CADM2: variants seen among roughly 807,000 people sequenced by gnomAD.
CADM2 encodes the protein immunoglobulin superfamily member 4D.
Under a neutral mutation model 49.8 loss-of-function variants are expected in CADM2, and 12 were observed. That is an observed-to-expected ratio of 0.24 (90% CI 0.15 to 0.39). CADM2 has a LOEUF of 0.39. CADM2 is among the 10% of genes least tolerant of loss of function. The probability of loss-of-function intolerance (pLI) is 1.00; values close to 1 mark genes in which losing one functional copy is unlikely to be tolerated. For missense variants in CADM2, 378 were observed against 492.3 expected (o/e 0.77, Z 2.20); for synonymous variants, 214 against 175.4 (o/e 1.22, Z -1.74).
intron 8 of CADM2, among the ~76,000 whole-genome samples, chr3:86,025,304 G>A (rs555657535): frequency 1.3e-4 from 20 of 152,032 alleles, no homozygotes; most frequent in Non-Finnish European, 2.4e-4. Flanking sequence ...TGATCTGCCC[G>A]CCTCGGCCTC....
At chr3:85,051,048 T>C (rs1353902616) in intron 1 of CADM2, among the ~76,000 whole-genome samples, 1 of 152,170 alleles carries the variant, frequency 6.6e-6, no homozygotes, top group African/African-American at 2.4e-5. Context: ...CTCGAGGCCT[T>C]TCCAAAGCTT....
chr3:85,306,052 A>G (rs1342481949), intron 1 of CADM2, among the ~76,000 whole-genome samples: 3 of 151,688 alleles, frequency 2.0e-5, no homozygotes, highest in African/African-American at 4.8e-5. Context: ...TTTTTGCTGC[A>G]TATTTTCTCC....
chr3:85,572,508 T>C (rs942088609), intron 1 of CADM2, among the ~76,000 whole-genome samples: 2 of 152,018 alleles, frequency 1.3e-5, no homozygotes, highest in Non-Finnish European at 2.9e-5. Flanking sequence ...TTAGGGAAAT[T>C]GGCGTGCATG....
chr3:85,662,064 G>A (rs1176040280), intron 1 of CADM2, among the ~76,000 whole-genome samples: 2 of 151,942 alleles, frequency 1.3e-5, no homozygotes, highest in African/African-American at 4.8e-5. Flanking sequence ...ACAAGAATAT[G>A]TATTCTATAT....
chr3:85,709,631 G>C (rs2067055233), intron 1 of CADM2, among the ~76,000 whole-genome samples: 1 of 152,128 alleles, frequency 6.6e-6, no homozygotes, highest in Admixed American at 6.6e-5. Flanking sequence ...ATGCCTTTTA[G>C]TTGGGCCTTG....
intron 1 of CADM2, among the ~76,000 whole-genome samples, chr3:85,201,151 T>G (rs145314455): frequency 2.8e-4 from 42 of 152,288 alleles, no homozygotes; most frequent in African/African-American, 8.7e-4. Flanking sequence ...GCATTTTTCT[T>G]TCATGGTACT....
In CADM2 at chr3:84,958,992, G is replaced by T. The variant is rs187187703; in HGVS notation, c.-616G>T. On this transcript the variant is annotated 5_prime_UTR_variant, in exon 1 of 10. Coordinates refer to ENST00000383699, the MANE Select transcript of CADM2 (RefSeq NM_001167675.2). The stretch of plus-strand genomic sequence containing the variant: ...TTGCCCTTGTGTCTGGTGCTTCGTA[G>T]AGCTGCCGCCGTCGCCGCTGCCGCT... 0.019 allele frequency: 3,701 copies of T among 196,796 alleles called. 169 individuals carry two copies. The highest frequency in any genetic ancestry group is 0.084 in the African/African-American group (3,501 of 41,540). The allele number at this position is 196,796 out of a possible 1,614,324, so 12.2% of individuals were successfully genotyped here.
intron 1 of CADM2, among the ~76,000 whole-genome samples, chr3:85,294,071 G>C (rs904625145): frequency 7.2e-5 from 11 of 151,836 alleles, no homozygotes; most frequent in African/African-American, 2.4e-4. Flanking sequence ...TTCTTAAGCT[G>C]ATAAGCAACT....
At chr3:85,549,883 C>T (rs909990340) in intron 1 of CADM2, among the ~76,000 whole-genome samples, 15 of 151,596 alleles carry the variant, frequency 9.9e-5, no homozygotes, top group Admixed American at 2.6e-4. Flanking sequence ...TTGCCCGCCT[C>T]GGCCTCCCAC....
chr3:85,182,009 T>C (rs1379885473), intron 1 of CADM2, among the ~76,000 whole-genome samples: 4 of 150,620 alleles, frequency 2.7e-5, no homozygotes, highest in African/African-American at 9.7e-5. Context: ...TATATCTTTA[T>C]ACATATAAAT....
intron 1 of CADM2, among the ~76,000 whole-genome samples, chr3:85,073,725 C>T (rs750028137): frequency 6.6e-6 from 1 of 152,014 alleles, no homozygotes; most frequent in Non-Finnish European, 1.5e-5. Flanking sequence ...ATGATCGTTT[C>T]AATACATAAT....
intron 3 of CADM2, among the ~76,000 whole-genome samples, chr3:85,826,807 A>G (rs1210125323): frequency 6.6e-6 from 1 of 151,966 alleles, no homozygotes; most frequent in Admixed American, 6.6e-5. Flanking sequence ...TAAAAGTTTT[A>G]TTTTTGTTAA....
At chr3:85,754,020 G>T (rs186647316) in intron 2 of CADM2, among the ~76,000 whole-genome samples, 2 of 152,304 alleles carry the variant, frequency 1.3e-5, no homozygotes, top group Middle Eastern at 3.4e-3. Context: ...TTCCTTTGAG[G>T]TGGGCTGTCT....
intron 1 of CADM2, among the ~76,000 whole-genome samples, chr3:85,374,835 G>C (rs893716577): frequency 6.6e-6 from 1 of 152,026 alleles, no homozygotes; most frequent in Admixed American, 6.6e-5. Flanking sequence ...TGATTCAATT[G>C]TCTCCCACCA....
At chr3:86,052,350 T>C (rs1737446216) in intron 8 of CADM2, among the ~76,000 whole-genome samples, 1 of 152,166 alleles carries the variant, frequency 6.6e-6, no homozygotes, top group Admixed American at 6.5e-5. Context: ...TTTAAAATTT[T>C]ACTTTTATTA....
At chr3:85,698,540 G>A (rs914658297) in intron 1 of CADM2, among the ~76,000 whole-genome samples, 1 of 152,114 alleles carries the variant, frequency 6.6e-6, no homozygotes, top group African/African-American at 2.4e-5. Flanking sequence ...ACAATCATAG[G>A]AGAAGGCAAA....
At chr3:85,427,458 A>T (rs574328095) in intron 1 of CADM2, among the ~76,000 whole-genome samples, 22 of 151,970 alleles carry the variant, frequency 1.4e-4, no homozygotes, top group Non-Finnish European at 2.5e-4. Flanking sequence ...CAGAGTACAA[A>T]AGATAACAGC....
intron 1 of CADM2, among the ~76,000 whole-genome samples, chr3:85,225,599 T>C (rs2042140222): frequency 6.6e-6 from 1 of 152,216 alleles, no homozygotes; most frequent in African/African-American, 2.4e-5. Flanking sequence ...TATTTCTTTC[T>C]CTTGTCTGAT....
chr3:85,930,409 G>A (rs1720441953), intron 6 of CADM2, among the ~76,000 whole-genome samples: 1 of 152,042 alleles, frequency 6.6e-6, no homozygotes, highest in Non-Finnish European at 1.5e-5. Flanking sequence ...CATGAAGAAT[G>A]GGTTATCTAT....
Sources: allele counts gnomAD v4.1 joint callset (sites outside exome capture counted in the v4.1 genomes callset), GRCh38; gene constraint gnomAD v4.1.1; transcripts MANE v1.5; gene names NCBI Gene and HGNC (gene_info 2026-07-23, HGNC 2026-07-21).